Variants in LAT2 observed in about 807,000 individuals in gnomAD.
LAT2 encodes the protein linker for activation of T cells family member 2.
A neutral mutation model predicts 43.4 loss-of-function variants in LAT2; 23 were observed. The observed-to-expected ratio is 0.53, with a 90% CI of 0.38 to 0.75. The LOEUF (loss-of-function observed/expected upper bound fraction) is 0.75. Among genes scored for constraint, LAT2 ranks in the 30% least tolerant of loss-of-function variants. LAT2 has a pLI of 0.00. For missense variants in LAT2, 284 were observed against 310.2 expected (o/e 0.92, Z 0.64); for synonymous variants, 128 against 123.2 (o/e 1.04, Z -0.26).
intron 1 of LAT2, among the ~76,000 whole-genome samples, chr7:74,211,533 C>T (rs1030116534): frequency 3.3e-5 from 5 of 152,086 alleles, no homozygotes; most frequent in Non-Finnish European, 7.4e-5. Context: ...TCTTGGCTCA[C>T]TGCAAGCTCC....
chr7:74,215,112 G>A (rs1238655623), intron 2 of LAT2, 102 bp downstream of exon 2: 2 of 152,158 alleles, frequency 1.3e-5, no homozygotes, highest in Non-Finnish European at 2.9e-5. Context: ...GCCAGCCAGA[G>A]ATTCAGGGCT....
At chr7:74,223,415 C>T (rs1554715571) in intron 10 of LAT2, among the ~76,000 whole-genome samples, 2 of 152,068 alleles carry the variant, frequency 1.3e-5, no homozygotes, top group African/African-American at 2.4e-5. Context: ...TCGTTTGAGC[C>T]GGGAGTTGGA....
Position 74,224,082 on chromosome 7 carries a change from G to A in LAT2, c.513G>A (p.Lys171=). The change falls in exon 12 of 14, where the codon AAG becomes AAA. Residue 171 remains lysine, a synonymous_variant. Coordinates refer to ENST00000460943, the MANE Select transcript of LAT2 (RefSeq NM_032464.3). Reference sequence around the variant, plus strand: ...ACCTCAGCCTGTCACTGGCCCTGAAGACTGGCCCCACTTCTGGTCTCTGTC... The same window carrying A: ...ACCTCAGCCTGTCACTGGCCCTGAAAACTGGCCCCACTTCTGGTCTCTGTC... ...RGDLSLSLAL[K]TGPTSGLCPS... The A allele has an allele frequency of 1.2e-6, 2 of 1,614,148 alleles. No homozygotes were observed. Among genetic ancestry groups the A allele is most frequent in the Non-Finnish European group, 1.7e-6 (2 of 1,179,996 alleles).
intron 1 of LAT2, among the ~76,000 whole-genome samples, chr7:74,213,938 G>T (rs1339801829): frequency 6.7e-6 from 1 of 149,528 alleles, no homozygotes; most frequent in Non-Finnish European, 1.5e-5. Flanking sequence ...CCATCTCCAG[G>T]GGGCCAGGTC....
rs1554714361 is a variant in LAT2 at position 74,216,849 on chromosome 7, A to G, written c.119A>G (p.Tyr40Cys). ...RPGAKRSEKI[Y>C]QQRSLREDQQ... ...GGTGCAAAGAGGTCAGAGAAAATCT[A>G]CCAGCAGAGAAGTCTGTGAGTTGCC... is the stretch of plus-strand genomic sequence containing the variant. Residue 40 changes from tyrosine (Y) to cysteine (C), a missense_variant, in exon 4 of 14, where the codon TAC becomes TGC. Physicochemically the swap from Tyr to Cys is radical, Grantham distance 194 (BLOSUM62 -2). Transcript: ENST00000460943. The G allele has an allele frequency of 6.2e-7, 1 of 1,613,832 alleles. No individual in the cohort carries two copies. Among genetic ancestry groups the G allele is most frequent in the East Asian group, 2.2e-5 (1 of 44,872 alleles).
At position 74,219,766 on chromosome 7, in the gene LAT2, A is replaced by T; in HGVS notation, c.157A>T (p.Thr53Ser). ...CAGGCGTGAGGACCAACAGAGCTTT[A>T]CGGGGTCCCGGACCTACTCCTGTGA... Reference protein sequence around the residue: ...RSLREDQQSFTGSRTYSLVGQ... With the variant: ...RSLREDQQSFSGSRTYSLVGQ... The change falls in exon 5 of 14, where the codon ACG becomes TCG. Residue 53 changes from threonine to serine, a missense_variant. Transcript: ENST00000460943. The T allele has an allele frequency of 6.2e-7, 1 of 1,614,028 alleles. No individual in the cohort carries two copies. Among genetic ancestry groups the T allele is most frequent in the Non-Finnish European group, 8.5e-7 (1 of 1,180,004 alleles).
intron 1 of LAT2, among the ~76,000 whole-genome samples, chr7:74,212,624 G>C (rs1281456680): frequency 6.6e-6 from 1 of 152,136 alleles, no homozygotes; most frequent in African/African-American, 2.4e-5. Flanking sequence ...CTCAGGCAGA[G>C]GCTAGATTTG....
rs782579814 is a variant in LAT2 at position 74,221,628 on chromosome 7, C to G, written c.333-9C>G. On this transcript the variant is annotated splice_polypyrimidine_tract_variant and intron_variant, in intron 9 of 13. Coordinates refer to ENST00000460943, the MANE Select transcript of LAT2 (RefSeq NM_032464.3). The stretch of plus-strand genomic sequence containing the variant: ...CTGAAACCTGTGTTGTATATGTTTT[C>G]TTGGCCAGAGACCCCATTGCCATGG... The G allele has an allele frequency of 4.3e-6, 7 of 1,612,836 alleles. No individual in the cohort carries two copies. In the South Asian group the frequency reaches 7.7e-5, roughly 18 times the overall value.
At chr7:74,222,066 C>T (rs184695043) in intron 10 of LAT2, among the ~76,000 whole-genome samples, 2 of 148,464 alleles carry the variant, frequency 1.3e-5, no homozygotes, top group Admixed American at 1.4e-4. Flanking sequence ...GAAACCTGGT[C>T]GCTGAATGCC....
At chr7:74,217,933 G>A (rs997362230) in intron 4 of LAT2, among the ~76,000 whole-genome samples, 2 of 152,230 alleles carry the variant, frequency 1.3e-5, no homozygotes, top group Middle Eastern at 3.4e-3. Flanking sequence ...CTTGCTCATC[G>A]TGGGCCAGGG....
intron 1 of LAT2, among the ~76,000 whole-genome samples, chr7:74,213,146 C>T (rs950390057): frequency 6.6e-6 from 1 of 152,018 alleles, no homozygotes; most frequent in East Asian, 1.9e-4. Context: ...TAGAGTTTCG[C>T]TCTTGTTGCC....
intron 1 of LAT2, among the ~76,000 whole-genome samples, chr7:74,214,351 T>A (rs1181926184): frequency 3.2e-5 from 2 of 62,660 alleles, no homozygotes; most frequent in African/African-American, 6.5e-5. Flanking sequence ...TATATGAAAA[T>A]ATATATATAA....
At chr7:74,214,131 T>C (rs1801855014) in intron 1 of LAT2, among the ~76,000 whole-genome samples, 2 of 59,622 alleles carry the variant, frequency 3.4e-5, no homozygotes, top group South Asian at 8.5e-4. Context: ...TATATAAATA[T>C]ATATATGAAA....
chr7:74,217,242 G>A (rs1554714410), intron 4 of LAT2, among the ~76,000 whole-genome samples: 1 of 152,050 alleles, frequency 6.6e-6, no homozygotes, highest in Admixed American at 6.6e-5. Context: ...GACCAGCCTG[G>A]CCAACATGGT....
intron 10 of LAT2, among the ~76,000 whole-genome samples, chr7:74,222,692 G>A (rs1396929064): frequency 6.6e-6 from 1 of 151,986 alleles, no homozygotes; most frequent in Non-Finnish European, 1.5e-5. Flanking sequence ...TCCTGCCTCA[G>A]CCTCCCGAGT....
At chr7:74,221,265 A>G (rs1802263536) in intron 9 of LAT2, among the ~76,000 whole-genome samples, 1 of 151,974 alleles carries the variant, frequency 6.6e-6, no homozygotes, top group Admixed American at 6.6e-5. Context: ...AAAATAAAAA[A>G]TTAGCCAGGC....
intron 13 of LAT2, among the ~76,000 whole-genome samples, chr7:74,228,368 T>C (rs1802571929): frequency 6.7e-6 from 1 of 149,902 alleles, no homozygotes; most frequent in Non-Finnish European, 1.5e-5. Context: ...CCCAGCTACT[T>C]GGGAGGCTGA....
chr7:74,213,386 G>T (rs1801798016), intron 1 of LAT2, among the ~76,000 whole-genome samples: 1 of 145,644 alleles, frequency 6.9e-6, no homozygotes, highest in African/African-American at 2.6e-5. Flanking sequence ...CTCCCAAAGT[G>T]TTGGGATTAC....
intron 1 of LAT2, among the ~76,000 whole-genome samples, chr7:74,214,383 TATATAA>T (rs1288877314): frequency 2.8e-5 from 2 of 71,362 alleles, no homozygotes; most frequent in African/African-American, 5.0e-5. Flanking sequence ...TGAAAATATA[TATATAA>T]ATATATATAT....
Sources: gnomAD v4.1 joint callset for allele counts (sites outside exome capture counted in the v4.1 genomes callset) on GRCh38, gnomAD v4.1.1 for gene constraint, MANE v1.5 for transcripts, NCBI Gene and HGNC (gene_info 2026-07-23, HGNC 2026-07-21) for gene names.